ROBO1: variants seen among roughly 807,000 people sequenced by gnomAD.
ROBO1 encodes the protein roundabout homolog 1.
Under a neutral mutation model 195.9 loss-of-function variants are expected in ROBO1, and 149 were observed. That is an observed-to-expected ratio of 0.76 (90% CI 0.67 to 0.87). The LOEUF is 0.87. Ranked by LOEUF, ROBO1 falls within the 40% of genes least tolerant of loss-of-function variation. ROBO1 has a pLI of 0.00. For missense variants in ROBO1, 1,933 were observed against 2,068.3 expected (o/e 0.93, Z 1.27); for synonymous variants, 816 against 733.2 (o/e 1.11, Z -1.82).
chr3:78,982,877 C>G (rs1274407384), intron 3 of ROBO1, among the ~76,000 whole-genome samples: 2 of 152,030 alleles, frequency 1.3e-5, no homozygotes, highest in Non-Finnish European at 2.9e-5. Flanking sequence ...CCATGGCCTC[C>G]CAAAGTGTTG....
intron 3 of ROBO1, among the ~76,000 whole-genome samples, chr3:78,973,916 G>A (rs2076830065): frequency 6.6e-6 from 1 of 151,956 alleles, no homozygotes; most frequent in African/African-American, 2.4e-5. Context: ...TCTTGAGTGT[G>A]TATCATATTT....
chr3:79,062,406 T>C (rs962100861), intron 3 of ROBO1, among the ~76,000 whole-genome samples: 1 of 152,142 alleles, frequency 6.6e-6, no homozygotes, highest in Non-Finnish European at 1.5e-5. Flanking sequence ...GGTGGGAGTG[T>C]AAATTAGTTC....
At chr3:79,142,898 A>C (rs1341919811) in intron 2 of ROBO1, among the ~76,000 whole-genome samples, 1 of 151,986 alleles carries the variant, frequency 6.6e-6, no homozygotes, top group Non-Finnish European at 1.5e-5. Context: ...AGAAATCATA[A>C]ATAAATATTT....
intron 2 of ROBO1, among the ~76,000 whole-genome samples, chr3:79,460,123 A>G (rs928111193): frequency 2.6e-5 from 4 of 152,174 alleles, no homozygotes; most frequent in Non-Finnish European, 5.9e-5. Flanking sequence ...ATAAAACAAT[A>G]TATCTATTAC....
chr3:78,831,366 A>C (rs948676648), intron 4 of ROBO1, among the ~76,000 whole-genome samples: 2 of 152,158 alleles, frequency 1.3e-5, no homozygotes, highest in Non-Finnish European at 2.9e-5. Context: ...TAAATACATA[A>C]ATATATAAGT....
At chr3:79,661,598 G>A (rs1212394886) in intron 1 of ROBO1, among the ~76,000 whole-genome samples, 8 of 149,352 alleles carry the variant, frequency 5.4e-5, no homozygotes, top group South Asian at 2.1e-4. Flanking sequence ...CAACCAAGTC[G>A]TCTTTCTTTA....
intron 4 of ROBO1, among the ~76,000 whole-genome samples, chr3:78,760,521 G>C (rs1016378211): frequency 4.6e-5 from 7 of 152,134 alleles, no homozygotes; most frequent in Admixed American, 3.9e-4. Flanking sequence ...TATAATGGGA[G>C]CTACAACATA....
chr3:79,442,191 G>C (rs1254432631), intron 2 of ROBO1, among the ~76,000 whole-genome samples: 2 of 152,038 alleles, frequency 1.3e-5, no homozygotes, highest in Admixed American at 6.6e-5. Flanking sequence ...CCTTATTCAT[G>C]TACAACTATT....
chr3:79,625,269 C>G (rs745448564), intron 1 of ROBO1, among the ~76,000 whole-genome samples: 33 of 150,882 alleles, frequency 2.2e-4, no homozygotes, highest in Non-Finnish European at 4.4e-5. Context: ...AATCAATACC[C>G]TAACATCACA....
chr3:78,999,947 T>C (rs995696766), intron 3 of ROBO1, among the ~76,000 whole-genome samples: 2 of 152,144 alleles, frequency 1.3e-5, no homozygotes, highest in African/African-American at 4.8e-5. Context: ...AGGAAGTACA[T>C]TTTCCCTTCT....
chr3:79,326,895 G>T lies in ROBO1; in HGVS notation c.89-201356C>A, dbSNP rs535806588. Among the ~76,000 whole-genome samples, 3 of 152,296 alleles carry T rather than the reference G, an allele frequency of 2.0e-5. No individual in the cohort carries two copies. The South Asian group carries it at 6.2e-4, about 32-fold the overall frequency. On this transcript the variant is annotated intron_variant, in intron 2 of 30. Coordinates refer to ENST00000464233, the MANE Select transcript of ROBO1 (RefSeq NM_002941.4). Reference sequence around the variant, plus strand: ...TGTGGGCAGAATGATTTAGGTGGATGAGTGCTGACTGTAGGGCTGAACTTC... The same window carrying T: ...TGTGGGCAGAATGATTTAGGTGGATTAGTGCTGACTGTAGGGCTGAACTTC...
At chr3:79,475,890 A>C (rs886377164) in intron 2 of ROBO1, among the ~76,000 whole-genome samples, 1 of 152,096 alleles carries the variant, frequency 6.6e-6, no homozygotes, top group African/African-American at 2.4e-5. Flanking sequence ...GTTTTCTTAC[A>C]TGTCTTTTTA....
rs922639237 is a variant in ROBO1 at position 79,767,878 on chromosome 3, G to C, written c.-177C>G. On this transcript the variant is annotated 5_prime_UTR_variant, in exon 1 of 31. Coordinates refer to ENST00000464233, the MANE Select transcript of ROBO1 (RefSeq NM_002941.4). Reference sequence around the variant, plus strand: ...AAAGGTGACAGACTTTTAAACCTAAGAGTGGGGAAATAGGGAGAGAGTGAA... The same window carrying C: ...AAAGGTGACAGACTTTTAAACCTAACAGTGGGGAAATAGGGAGAGAGTGAA... 2 of 152,206 alleles carry C rather than the reference G, an allele frequency of 1.3e-5. No individual in the cohort carries two copies. The highest frequency in any genetic ancestry group is 2.9e-5 in the Non-Finnish European group (2 of 68,062). The allele number at this position is 152,206 out of a possible 1,614,324, so 9.4% of individuals were successfully genotyped here. A position where few individuals can be genotyped will look rare whatever the true frequency, so the allele number is the denominator to read the frequency against.
intron 3 of ROBO1, among the ~76,000 whole-genome samples, chr3:78,947,379 C>T (rs995280990): frequency 2.6e-4 from 39 of 152,312 alleles, no homozygotes; most frequent in African/African-American, 8.4e-4. Context: ...TCACTCAAAA[C>T]CGCTCAACTA....
intron 1 of ROBO1, among the ~76,000 whole-genome samples, chr3:79,598,433 T>A (rs954926637): frequency 2.0e-5 from 3 of 152,076 alleles, no homozygotes; most frequent in Non-Finnish European, 2.9e-5. Context: ...TTTGGTTGTA[T>A]TGTACATTTC....
At chr3:79,691,217 A>G (rs1168826079) in intron 1 of ROBO1, among the ~76,000 whole-genome samples, 1 of 151,806 alleles carries the variant, frequency 6.6e-6, no homozygotes, top group Non-Finnish European at 1.5e-5. Flanking sequence ...TTCTAATGCC[A>G]GATATTTACA....
intron 8 of ROBO1, among the ~76,000 whole-genome samples, chr3:78,695,259 A>C (rs1488656296): frequency 1.3e-5 from 2 of 152,158 alleles, no homozygotes; most frequent in Admixed American, 6.5e-5. Context: ...CCTATAACTT[A>C]AAGTATAATA....
At chr3:79,255,645 T>A (rs1353697158) in intron 2 of ROBO1, among the ~76,000 whole-genome samples, 1 of 152,200 alleles carries the variant, frequency 6.6e-6, no homozygotes, top group East Asian at 1.9e-4. Context: ...ACACTACCGT[T>A]CTGGAAGTAT....
intron 3 of ROBO1, among the ~76,000 whole-genome samples, chr3:78,939,147 A>G (rs1040586173): frequency 1.3e-5 from 2 of 152,038 alleles, no homozygotes; most frequent in Non-Finnish European, 2.9e-5. Context: ...TCGCTTACAC[A>G]TTGCCTGTGC....
Sources: gnomAD v4.1 joint callset for allele counts (sites outside exome capture counted in the v4.1 genomes callset) on GRCh38, gnomAD v4.1.1 for gene constraint, MANE v1.5 for transcripts, NCBI Gene and HGNC (gene_info 2026-07-23, HGNC 2026-07-21) for gene names.